Variants in FTO observed in about 807,000 individuals in gnomAD.
FTO encodes the protein FTO alpha-ketoglutarate dependent dioxygenase.
FTO carries 47 observed loss-of-function variants against 63.9 expected under a neutral mutation model. The ratio of observed to expected loss-of-function variants is 0.74; its 90% CI spans 0.58 to 0.94. The LOEUF is 0.94. FTO is among the 40% of genes least tolerant of loss of function. The pLI is 0.00. For synonymous variants in FTO, 207 were observed against 224.4 expected (o/e 0.92, Z 0.69); for missense variants, 562 against 618.1 (o/e 0.91, Z 0.96).
At position 54,084,200 on chromosome 16, in the gene FTO, C is replaced by T. The variant is rs544317611; in HGVS notation, c.1365-27562C>T. ...CTCTGTCCTTGAACGTGTTATTTAA[C>T]CCTTCTGAGCTTCAGTTTCCTCATT... On this transcript the variant is annotated intron_variant, in intron 8 of 8. Transcript: ENST00000471389. 4.6e-5 allele frequency among the ~76,000 whole-genome samples: 7 copies of T among 152,196 alleles called. No homozygotes were observed. In the South Asian group the frequency reaches 1.5e-3, roughly 32 times the overall value.
intron 3 of FTO, among the ~76,000 whole-genome samples, chr16:53,836,993 G>GT (rs1421130846): frequency 6.6e-6 from 1 of 152,150 alleles, no homozygotes; most frequent in Non-Finnish European, 1.5e-5. Flanking sequence ...CAACGTAAGG[G>GT]TTTCCTGTGA....
At chr16:54,086,708 A>G (rs2086260914) in intron 8 of FTO, among the ~76,000 whole-genome samples, 1 of 152,200 alleles carries the variant, frequency 6.6e-6, no homozygotes, top group Admixed American at 6.5e-5. Flanking sequence ...TAAAGGCAGG[A>G]TTCTCAATGA....
chr16:53,778,717 T>TG (rs2077517385), intron 1 of FTO, among the ~76,000 whole-genome samples: 3 of 152,168 alleles, frequency 2.0e-5, no homozygotes, highest in Non-Finnish European at 2.9e-5. Flanking sequence ...AGAAAATTTC[T>TG]CTCCTGTCCT....
intron 1 of FTO, among the ~76,000 whole-genome samples, chr16:53,777,202 C>G (rs1307138054): frequency 6.6e-6 from 1 of 152,134 alleles, no homozygotes; most frequent in Non-Finnish European, 1.5e-5. Flanking sequence ...TGACTAACAT[C>G]TCCCCTTTCT....
intron 1 of FTO, among the ~76,000 whole-genome samples, chr16:53,796,415 C>T (rs991575114): frequency 2.0e-5 from 3 of 152,074 alleles, no homozygotes; most frequent in African/African-American, 4.8e-5. Flanking sequence ...GGAAAATTCA[C>T]TAAGTTATTG....
chr16:54,065,451 A>G (rs1181045831), intron 8 of FTO, among the ~76,000 whole-genome samples: 1 of 152,078 alleles, frequency 6.6e-6, no homozygotes, highest in Non-Finnish European at 1.5e-5. Flanking sequence ...GGTGTGCACC[A>G]CCGCATCCGG....
At chr16:54,084,700 A>G (rs1422865490) in intron 8 of FTO, among the ~76,000 whole-genome samples, 1 of 152,124 alleles carries the variant, frequency 6.6e-6, no homozygotes, top group Non-Finnish European at 1.5e-5. Flanking sequence ...CTCAGGAGCA[A>G]TCTAGATACA....
At chr16:53,803,064 T>C (rs1266094369) in intron 1 of FTO, among the ~76,000 whole-genome samples, 1 of 152,246 alleles carries the variant, frequency 6.6e-6, no homozygotes. Context: ...TTATCAGTCA[T>C]ATTGTCTTGC....
In FTO at chr16:53,853,067, C is replaced by T. The variant is rs565100384; in HGVS notation, c.895+8769C>T. On this transcript the variant is annotated intron_variant, in intron 4 of 8. Coordinates refer to ENST00000471389, the MANE Select transcript of FTO (RefSeq NM_001080432.3). The stretch of plus-strand genomic sequence containing the variant: ...CAACACTTTGGGAGGCTGAGGCGGG[C>T]GGATCACCTGAGGTTGGGAGTTTGA... 1.2e-4 allele frequency among the ~76,000 whole-genome samples: 18 copies of T among 152,192 alleles called. 1 individual carries two copies. The highest frequency in any genetic ancestry group is 5.9e-4 in the Admixed American group (9 of 15,294).
At chr16:53,733,646 AG>A (rs1395865881) in intron 1 of FTO, among the ~76,000 whole-genome samples, 13 of 152,204 alleles carry the variant, frequency 8.5e-5, no homozygotes, top group Non-Finnish European at 1.3e-4. Flanking sequence ...GGCTTTTTTA[AG>A]AGAGTAATTG....
chr16:53,880,107 G>T, intron 6 of FTO, 120 bp downstream of exon 6: 1 of 734,158 alleles, frequency 1.4e-6, no homozygotes. Context: ...TGATCCTCCT[G>T]TCTCAAGCTC....
At position 53,704,196 on chromosome 16, in the gene FTO, C is replaced by T. The variant is rs115368866; in HGVS notation, c.12C>T (p.Thr4=). ...GCTTTAGTGGCAGCATGAAGCGCACCCCGACTGCCGAGGAACGAGAGCGCG... is the reference window on the plus strand; with the variant it reads ...GCTTTAGTGGCAGCATGAAGCGCACTCCGACTGCCGAGGAACGAGAGCGCG... The part of the protein sequence containing the change: MKR[T]PTAEEREREA... Residue 4 remains threonine (T), a synonymous_variant, in exon 1 of 9, where the codon ACC becomes ACT. Coordinates refer to ENST00000471389, the MANE Select transcript of FTO (RefSeq NM_001080432.3). 1.9e-6 allele frequency: 3 copies of T among 1,551,444 alleles called. No homozygotes were observed. Among genetic ancestry groups the T allele is most frequent in the Admixed American group, 3.9e-5 (2 of 50,998 alleles).
At chr16:53,722,136 C>T (rs1002069150) in intron 1 of FTO, among the ~76,000 whole-genome samples, 2 of 152,112 alleles carry the variant, frequency 1.3e-5, no homozygotes, top group Admixed American at 6.5e-5. Flanking sequence ...CTTTCCTTAC[C>T]GACTTTATTT....
At chr16:54,001,433 A>G (rs1199526547) in intron 8 of FTO, among the ~76,000 whole-genome samples, 1 of 152,164 alleles carries the variant, frequency 6.6e-6, no homozygotes, top group Non-Finnish European at 1.5e-5. Context: ...TTTCTGTACA[A>G]CATGAGGCCC....
chr16:54,057,076 T>C (rs575679609), intron 8 of FTO, among the ~76,000 whole-genome samples: 1 of 152,162 alleles, frequency 6.6e-6, no homozygotes, highest in African/African-American at 2.4e-5. Context: ...ACACTGAAGG[T>C]TGGTTTATGA....
At chr16:54,045,269 A>C (rs1231384201) in intron 8 of FTO, among the ~76,000 whole-genome samples, 6 of 10,480 alleles carry the variant, frequency 5.7e-4, no homozygotes, top group Middle Eastern at 0.011. Context: ...AAAAATGATA[A>C]AGGGGATATC....
chr16:54,053,545 G>A lies in FTO; in HGVS notation c.1365-58217G>A, dbSNP rs562679368. 4.6e-5 allele frequency among the ~76,000 whole-genome samples: 7 copies of A among 152,150 alleles called. No homozygotes were observed. In the South Asian group the frequency reaches 1.2e-3, roughly 27 times the overall value. ...TCAGGCACTCGAAAAATTGATAGGC[G>A]ACACTCACTCTGGGGCTTCTCACAT... is the stretch of plus-strand genomic sequence containing the variant. On this transcript the variant is annotated intron_variant, in intron 8 of 8. Coordinates refer to ENST00000471389, the MANE Select transcript of FTO (RefSeq NM_001080432.3).
intron 1 of FTO, among the ~76,000 whole-genome samples, chr16:53,732,930 G>A (rs2076307681): frequency 6.6e-6 from 1 of 152,350 alleles, no homozygotes; most frequent in South Asian, 2.1e-4. Flanking sequence ...AGGGAATCTG[G>A]TGTCATGTGA....
Position 53,933,999 on chromosome 16 carries a change from T to G in FTO, c.1254T>G (p.Leu418=). 6.2e-7 allele frequency: 1 copy of G among 1,614,030 alleles called. No individual in the cohort carries two copies. Among genetic ancestry groups the G allele is most frequent in the African/African-American group, 1.3e-5 (1 of 75,042 alleles). The change falls in exon 8 of 9, where the codon CTT becomes CTG. Residue 418 remains leucine (L), a synonymous_variant. Transcript: ENST00000471389. ...ATTTCTTGTAGACAAATGCTGTGCT[T>G]CATGAAGTTAAAAGAGAGGGGCTCC... is the stretch of plus-strand genomic sequence containing the variant. ...KKMEGVTNAV[L]HEVKREGLPV... is the part of the protein sequence containing the mutation.
Sources: allele counts gnomAD v4.1 joint callset (sites outside exome capture counted in the v4.1 genomes callset), GRCh38; gene constraint gnomAD v4.1.1; transcripts MANE v1.5; gene names NCBI Gene and HGNC (gene_info 2026-07-23, HGNC 2026-07-21).